Variants in LYRM1 observed in about 807,000 individuals in gnomAD.
LYRM1 encodes LYR motif-containing protein 1.
LYRM1 carries 14 observed loss-of-function variants against 14.9 expected under a neutral mutation model. The observed-to-expected ratio is 0.94, with a 90% CI of 0.62 to 1.47. The LOEUF is 1.47. LYRM1 is among the 40% of genes most tolerant of loss of function. The pLI, the probability that LYRM1 is intolerant of heterozygous loss-of-function variation, is 0.00. For synonymous variants in LYRM1, 43 were observed against 56.2 expected (o/e 0.77, Z 1.05); for missense variants, 153 against 149.9 (o/e 1.02, Z -0.11).
chr16:20,902,264 G>GT (rs1235066672), intron 1 of LYRM1, among the ~76,000 whole-genome samples: 9 of 152,324 alleles, frequency 5.9e-5, no homozygotes, highest in African/African-American at 2.2e-4. Flanking sequence ...CGGGAAAACA[G>GT]TTTAGAAAGG....
At chr16:20,923,773 C>G (rs1191030786) in intron 3 of LYRM1, among the ~76,000 whole-genome samples, 1 of 152,154 alleles carries the variant, frequency 6.6e-6, no homozygotes, top group African/African-American at 2.4e-5. Flanking sequence ...AATGTATAAC[C>G]TTAAGCAAGT....
At chr16:20,917,266 G>A (rs1455150900) in intron 2 of LYRM1, among the ~76,000 whole-genome samples, 1 of 152,004 alleles carries the variant, frequency 6.6e-6, no homozygotes, top group African/African-American at 2.4e-5. Context: ...ACCCCATGAG[G>A]TCCTTAAACA....
intron 1 of LYRM1, among the ~76,000 whole-genome samples, chr16:20,904,403 T>C (rs780920912): frequency 1.3e-5 from 2 of 152,160 alleles, no homozygotes; most frequent in Non-Finnish European, 2.9e-5. Context: ...GGCCCCGTGT[T>C]CTAAAAACTT....
intron 3 of LYRM1, among the ~76,000 whole-genome samples, chr16:20,923,214 C>G (rs983593549): frequency 2.6e-5 from 4 of 151,974 alleles, no homozygotes; most frequent in African/African-American, 9.7e-5. Flanking sequence ...AATTAAGCAT[C>G]CTAGGCCAGG....
intron 3 of LYRM1, among the ~76,000 whole-genome samples, chr16:20,923,428 G>A (rs1009597238): frequency 6.6e-6 from 1 of 151,084 alleles, no homozygotes; most frequent in African/African-American, 2.4e-5. Flanking sequence ...GAACCTGGGA[G>A]GCCGAGGTTG....
chr16:20,919,951 G>A (rs963580515), intron 2 of LYRM1, among the ~76,000 whole-genome samples, 171 bp from the exon 3 acceptor site: 6 of 152,094 alleles, frequency 3.9e-5, no homozygotes, highest in Admixed American at 6.6e-5. Context: ...CTACTTTAAC[G>A]ATTTTAAAAG....
rs547553498 is a variant in LYRM1 at position 20,918,368 on chromosome 16, T to A, written c.160-1754T>A. On this transcript the variant is annotated intron_variant, in intron 2 of 3. Transcript: ENST00000567954. ...GTGCCACTGATGGTACATGAGATTA[T>A]TTGGGAGTGGGCGGAAGAGGTACAT... is the stretch of plus-strand genomic sequence containing the variant. Among the ~76,000 whole-genome samples the A allele has an allele frequency of 9.9e-5, 15 of 152,248 alleles. No individual in the cohort carries two copies. The South Asian group carries it at 3.1e-3, about 32-fold the overall frequency.
chr16:20,908,241 G>A (rs2082419081), intron 1 of LYRM1, among the ~76,000 whole-genome samples: 1 of 152,236 alleles, frequency 6.6e-6, no homozygotes, highest in Admixed American at 6.5e-5. Flanking sequence ...GTTAGGAGCA[G>A]GGGCAGGTGG....
At chr16:20,921,722 A>G (rs1186415154) in intron 3 of LYRM1, 1 of 108,030 alleles carries the variant, frequency 9.3e-6, no homozygotes, top group South Asian at 3.4e-4. Context: ...AAAAAAAAAA[A>G]AAAAAAAAAA....
chr16:20,911,909 A>G lies in LYRM1; in HGVS notation c.1-3647A>G, dbSNP rs114471894. 3.7e-3 allele frequency among the ~76,000 whole-genome samples: 553 copies of G among 151,322 alleles called. 3 individuals are homozygous for G. Among genetic ancestry groups the G allele is most frequent in the African/African-American group, 0.012 (510 of 41,178 alleles). On this transcript the variant is annotated intron_variant, in intron 1 of 3. Coordinates refer to ENST00000567954, the MANE Select transcript of LYRM1 (RefSeq NM_001128302.3). The stretch of plus-strand genomic sequence containing the variant: ...CACTGGAGCCAGCCTGAAGTTTTTA[A>G]ATAAGTTGTTGGGGTTTGCTTGTTT...
At chr16:20,910,797 A>AC (rs1301629422) in intron 1 of LYRM1, among the ~76,000 whole-genome samples, 1 of 152,180 alleles carries the variant, frequency 6.6e-6, no homozygotes, top group Non-Finnish European at 1.5e-5. Flanking sequence ...AACAACAACA[A>AC]AAAACCTTGC....
intron 1 of LYRM1, among the ~76,000 whole-genome samples, chr16:20,903,704 A>G (rs763492060): frequency 5.3e-5 from 8 of 151,994 alleles, no homozygotes; most frequent in Non-Finnish European, 1.0e-4. Context: ...AAAGTTGCGC[A>G]TTCAGTAGTT....
intron 1 of LYRM1, among the ~76,000 whole-genome samples, chr16:20,912,461 C>T (rs765301583): frequency 4.6e-5 from 7 of 150,638 alleles, no homozygotes; most frequent in Non-Finnish European, 1.0e-4. Context: ...TTAGTAGAGA[C>T]GGGGTTTCAC....
chr16:20,902,510 A>T (rs1256329707), intron 1 of LYRM1: 6 of 152,318 alleles, frequency 3.9e-5, no homozygotes, highest in African/African-American at 1.4e-4. Context: ...AGGAGAAGCC[A>T]GCAAAGGAGA....
intron 1 of LYRM1, among the ~76,000 whole-genome samples, chr16:20,914,530 G>A (rs996748523): frequency 2.7e-5 from 4 of 149,554 alleles, no homozygotes; most frequent in Non-Finnish European, 4.4e-5. Context: ...TTGAACTCCC[G>A]AGGTCAAGCA....
At chr16:20,905,116 G>A (rs2082257859) in intron 1 of LYRM1, among the ~76,000 whole-genome samples, 1 of 152,100 alleles carries the variant, frequency 6.6e-6, no homozygotes, top group Admixed American at 6.6e-5. Flanking sequence ...TCACCAACAG[G>A]CCACACATTT....
intron 1 of LYRM1, among the ~76,000 whole-genome samples, chr16:20,908,889 A>C (rs2082451043): frequency 6.6e-6 from 1 of 152,242 alleles, no homozygotes; most frequent in African/African-American, 2.4e-5. Context: ...ACCTTAGAGC[A>C]GTAGCTCCCA....
intron 1 of LYRM1, among the ~76,000 whole-genome samples, chr16:20,910,518 G>A (rs2082537293): frequency 6.6e-6 from 1 of 152,236 alleles, no homozygotes; most frequent in African/African-American, 2.4e-5. Flanking sequence ...CCTAATTGCA[G>A]GGCTTGTGTA....
chr16:20,924,034 G>A lies in LYRM1; in HGVS notation c.287G>A (p.Arg96Gln), dbSNP rs764770582. ...HLPPMGLTPLRGRGLRSQEKL... is the reference protein window; with the variant it reads ...HLPPMGLTPLQGRGLRSQEKL... ...CCTCCAATGGGCCTTACCCCACTCC[G>A]AGGCCGGGGACTTCGAAGCCAAGAG... is the stretch of plus-strand genomic sequence containing the variant. The change falls in exon 4 of 4, where the codon CGA becomes CAA. Residue 96 changes from arginine to glutamine, a missense_variant. By Grantham distance (43) the Arg-to-Gln change is conservative (BLOSUM62 1). Transcript: ENST00000567954. 22 of 1,612,960 alleles carry A rather than the reference G, an allele frequency of 1.4e-5. No individual in the cohort carries two copies. In the Middle Eastern group the frequency reaches 6.6e-4, roughly 48 times the overall value.
Sources: gnomAD v4.1 joint callset for allele counts (sites outside exome capture counted in the v4.1 genomes callset) on GRCh38, gnomAD v4.1.1 for gene constraint, MANE v1.5 for transcripts, NCBI Gene and HGNC (gene_info 2026-07-23, HGNC 2026-07-21) for gene names.